CELF2: variants seen among roughly 807,000 people sequenced by gnomAD.
CELF2 encodes CUGBP Elav-like family member 2, also known as CUG triplet repeat RNA-binding protein 2.
In CELF2, 8 loss-of-function variants were observed where a neutral mutation model predicts 62.6. That is an observed-to-expected ratio of 0.13 (90% CI 0.07 to 0.23). The LOEUF (loss-of-function observed/expected upper bound fraction) is 0.23. Ranked by LOEUF, CELF2 falls within the 10% of genes least tolerant of loss-of-function variation. The pLI, the probability that CELF2 is intolerant of heterozygous loss-of-function variation, is 1.00. For missense variants in CELF2, 333 were observed against 671.0 expected (o/e 0.50, Z 5.56); for synonymous variants, 258 against 250.0 (o/e 1.03, Z -0.30).
chr10:10,802,256 G>A (rs2054745299), intron 1 of CELF2, among the ~76,000 whole-genome samples: 2 of 152,132 alleles, frequency 1.3e-5, no homozygotes, highest in Non-Finnish European at 2.9e-5. Context: ...CGGATCATGA[G>A]GTCAAGAGAT....
At chr10:11,279,114 G>A (rs2087263543) in intron 8 of CELF2, among the ~76,000 whole-genome samples, 2 of 152,244 alleles carry the variant, frequency 1.3e-5, no homozygotes, top group East Asian at 1.9e-4. Flanking sequence ...TTTTAGGGGG[G>A]ATTTTTTTCT....
chr10:10,810,108 A>C (rs766741266), intron 1 of CELF2, among the ~76,000 whole-genome samples: 1 of 152,252 alleles, frequency 6.6e-6, no homozygotes, highest in Non-Finnish European at 1.5e-5. Flanking sequence ...TGTCAATGCC[A>C]TCTGGAGGGA....
At chr10:10,543,074 C>G in the CELF2 span, among the ~76,000 whole-genome samples, 1 of 152,140 alleles carries the variant, frequency 6.6e-6, no homozygotes, top group Non-Finnish European at 1.5e-5. Context: ...TTACTGGGTT[C>G]CAGCAGGTTT....
At chr10:10,968,444 G>C (rs555829447) in intron 2 of CELF2, among the ~76,000 whole-genome samples, 1 of 152,146 alleles carries the variant, frequency 6.6e-6, no homozygotes, top group Admixed American at 6.5e-5. Flanking sequence ...TAAATAATTT[G>C]CTTTCTGTTT....
At chr10:11,100,651 A>G (rs2051322800) in intron 1 of CELF2, among the ~76,000 whole-genome samples, 1 of 152,192 alleles carries the variant, frequency 6.6e-6, no homozygotes, top group African/African-American at 2.4e-5. Context: ...CCATTCAAAC[A>G]TTAAGTCCAT....
At chr10:11,301,826 A>G (rs1246195132) in intron 9 of CELF2, among the ~76,000 whole-genome samples, 1 of 151,932 alleles carries the variant, frequency 6.6e-6, no homozygotes, top group African/African-American at 2.4e-5. Flanking sequence ...GTGGGGCCAC[A>G]GGCTCACCCA....
chr10:11,286,009 A>C (rs1311998520), intron 8 of CELF2, among the ~76,000 whole-genome samples: 1 of 152,208 alleles, frequency 6.6e-6, no homozygotes, highest in Admixed American at 6.5e-5. Flanking sequence ...AAAGAGTTAT[A>C]AACAAACAGA....
At chr10:11,196,062 A>C (rs530385582) in intron 2 of CELF2, among the ~76,000 whole-genome samples, 1 of 152,122 alleles carries the variant, frequency 6.6e-6, no homozygotes, top group East Asian at 1.9e-4. Context: ...TCCCTTGAGA[A>C]TTACTTTATC....
At chr10:11,082,597 TGAG>T (rs767247758) in intron 1 of CELF2, among the ~76,000 whole-genome samples, 8 of 152,202 alleles carry the variant, frequency 5.3e-5, no homozygotes, top group Non-Finnish European at 8.8e-5. Flanking sequence ...ATCTGTAAAA[TGAG>T]GAGATTACTT....
chr10:10,675,199 A>G, the CELF2 span, among the ~76,000 whole-genome samples: 2 of 152,098 alleles, frequency 1.3e-5, no homozygotes, highest in African/African-American at 4.8e-5. Flanking sequence ...CTCAATTTTT[A>G]TTTTTCTAAG....
chr10:11,056,515 A>G (rs888265945), intron 1 of CELF2, among the ~76,000 whole-genome samples: 1 of 152,230 alleles, frequency 6.6e-6, no homozygotes, highest in Admixed American at 6.5e-5. Flanking sequence ...AAAATGCACT[A>G]AGGTAGAGAG....
At chr10:11,192,663 T>C (rs1045976489) in intron 2 of CELF2, among the ~76,000 whole-genome samples, 2 of 152,144 alleles carry the variant, frequency 1.3e-5, no homozygotes, top group Non-Finnish European at 2.9e-5. Flanking sequence ...AGTATTCATC[T>C]CCTGTGTGAC....
the CELF2 span, among the ~76,000 whole-genome samples, chr10:10,524,539 T>C: frequency 6.6e-6 from 1 of 151,846 alleles, no homozygotes; most frequent in East Asian, 1.9e-4. Flanking sequence ...ATTGAAAGCA[T>C]TCCATGACCT....
Position 10,898,807 on chromosome 10 carries a change from C to T in CELF2, c.54-21157C>T, listed in dbSNP as rs2062740460. 2.0e-5 allele frequency among the ~76,000 whole-genome samples: 3 copies of T among 152,142 alleles called. No individual in the cohort carries two copies. The South Asian group carries it at 6.2e-4, about 32-fold the overall frequency. On this transcript the variant is annotated intron_variant, in intron 1 of 13. Transcript: ENST00000636488. The stretch of plus-strand genomic sequence containing the variant: ...AAGCATCATACCCAACAACAGAATT[C>T]ATTGTTTTTAAGTGCACATAGAACA...
the CELF2 span, among the ~76,000 whole-genome samples, chr10:10,733,583 G>T: frequency 6.7e-6 from 1 of 149,724 alleles, no homozygotes; most frequent in Non-Finnish European, 1.5e-5. Flanking sequence ...AAAGAAAGAG[G>T]TTTAATGGAC....
chr10:10,520,751 A>C, the CELF2 span, among the ~76,000 whole-genome samples: 1 of 152,154 alleles, frequency 6.6e-6, no homozygotes, highest in African/African-American at 2.4e-5. Context: ...AGACCCGCTA[A>C]TTAGTAGGGA....
At chr10:11,257,173 T>A (rs2079024923) in intron 4 of CELF2, among the ~76,000 whole-genome samples, 1 of 152,110 alleles carries the variant, frequency 6.6e-6, no homozygotes, top group South Asian at 2.1e-4. Flanking sequence ...TCTCTTATTC[T>A]TGTCTAGATC....
At chr10:10,973,488 G>A (rs1030532886) in intron 2 of CELF2, among the ~76,000 whole-genome samples, 1 of 152,064 alleles carries the variant, frequency 6.6e-6, no homozygotes, top group Non-Finnish European at 1.5e-5. Flanking sequence ...ACGCTTAAAA[G>A]CCTGCCTACT....
At chr10:10,710,609 C>T in the CELF2 span, among the ~76,000 whole-genome samples, 2 of 151,818 alleles carry the variant, frequency 1.3e-5, no homozygotes, top group African/African-American at 4.9e-5. Flanking sequence ...ACCTGGTGAG[C>T]TTGAAATCTG....
Sources: gnomAD v4.1 joint callset for allele counts (sites outside exome capture counted in the v4.1 genomes callset) on GRCh38, gnomAD v4.1.1 for gene constraint, MANE v1.5 for transcripts, NCBI Gene and HGNC (gene_info 2026-07-23, HGNC 2026-07-21) for gene names.